The following KCNMA1 variants were observed in gnomAD, a reference collection of about 807,000 sequenced individuals.
KCNMA1 encodes Calcium-activated potassium channel subunit alpha-1.
KCNMA1 carries 29 observed loss-of-function variants against 140.0 expected under a neutral mutation model. That is an observed-to-expected ratio of 0.21 (90% CI 0.15 to 0.28). The LOEUF is 0.28. Ranked by LOEUF, KCNMA1 falls within the 10% of genes least tolerant of loss-of-function variation. The pLI is 1.00. For missense variants in KCNMA1, 880 were observed against 1,602.2 expected (o/e 0.55, Z 7.70); for synonymous variants, 612 against 611.9 (o/e 1.00, Z 0.00).
At chr10:77,208,003 C>T (rs1189748922) in intron 3 of KCNMA1, among the ~76,000 whole-genome samples, 1 of 152,196 alleles carries the variant, frequency 6.6e-6, no homozygotes, top group East Asian at 1.9e-4. Flanking sequence ...AAACTGGCCG[C>T]ACTTCTTTTG....
chr10:77,481,281 A>G (rs756387080), intron 1 of KCNMA1, among the ~76,000 whole-genome samples: 3 of 152,172 alleles, frequency 2.0e-5, no homozygotes, highest in Non-Finnish European at 4.4e-5. Flanking sequence ...TGGACCCAAC[A>G]TCCTTGAATT....
chr10:77,494,649 C>G (rs1032717470), intron 1 of KCNMA1, among the ~76,000 whole-genome samples: 1 of 152,170 alleles, frequency 6.6e-6, no homozygotes, highest in South Asian at 2.1e-4. Flanking sequence ...CCAGAGGGAG[C>G]AGTTTTCCAG....
rs534193734 is a variant in KCNMA1, at chr10:77,298,072, C to T, written c.541-46816G>A. Among the ~76,000 whole-genome samples, 34 of 152,226 alleles carry T rather than the reference C, an allele frequency of 2.2e-4. No individual in the cohort carries two copies. In the South Asian group the frequency reaches 5.6e-3, roughly 25 times the overall value. On this transcript the variant is annotated intron_variant, in intron 2 of 27. Transcript: ENST00000286628. ...AAACTGGCAACCTAGACATTTATAT[C>T]CAAACCAGATCCAAGAATTGTATCG... is the stretch of plus-strand genomic sequence containing the variant.
chr10:77,410,437 T>C (rs2096593631), intron 1 of KCNMA1, among the ~76,000 whole-genome samples: 1 of 152,228 alleles, frequency 6.6e-6, no homozygotes, highest in Non-Finnish European at 1.5e-5. Context: ...GCTGCCTGCC[T>C]AGAGCCAAGC....
intron 5 of KCNMA1, among the ~76,000 whole-genome samples, chr10:77,158,455 C>T (rs1296695992): frequency 6.6e-6 from 1 of 152,120 alleles, no homozygotes; most frequent in African/African-American, 2.4e-5. Context: ...TGGACCTGAT[C>T]ACTCGGCCAT....
At chr10:77,630,294 G>A (rs1285682332) in intron 1 of KCNMA1, among the ~76,000 whole-genome samples, 3 of 152,168 alleles carry the variant, frequency 2.0e-5, no homozygotes, top group Non-Finnish European at 2.9e-5. Flanking sequence ...GAGGTAGTTT[G>A]GCTGGGTTGC....
intron 5 of KCNMA1, among the ~76,000 whole-genome samples, chr10:77,177,045 G>A (rs2098756662): frequency 6.6e-6 from 1 of 152,156 alleles, no homozygotes; most frequent in South Asian, 2.1e-4. Flanking sequence ...TGAAGGTGGA[G>A]AAAGGGGCCA....
chr10:77,065,320 G>A (rs568990779), intron 14 of KCNMA1, among the ~76,000 whole-genome samples: 2 of 152,246 alleles, frequency 1.3e-5, no homozygotes, highest in African/African-American at 4.8e-5. Context: ...GGGAGGGGGT[G>A]CAGATTCCTA....
intron 2 of KCNMA1, among the ~76,000 whole-genome samples, chr10:77,361,377 G>C (rs1566253246): frequency 6.6e-6 from 1 of 152,176 alleles, no homozygotes; most frequent in South Asian, 2.1e-4. Context: ...AACAAGACTA[G>C]AGGAGGCCCT....
intron 2 of KCNMA1, among the ~76,000 whole-genome samples, chr10:77,280,107 C>T (rs1409250602): frequency 6.6e-6 from 1 of 152,056 alleles, no homozygotes; most frequent in African/African-American, 2.4e-5. Context: ...ACCAACATAC[C>T]AAAGACTACT....
intron 1 of KCNMA1, among the ~76,000 whole-genome samples, chr10:77,429,031 G>T (rs1207170076): frequency 6.6e-6 from 1 of 152,168 alleles, no homozygotes; most frequent in Non-Finnish European, 1.5e-5. Context: ...GGAATGCTGG[G>T]CTGTGGTAAA....
At chr10:77,313,530 C>T (rs933719305) in intron 2 of KCNMA1, among the ~76,000 whole-genome samples, 4 of 152,150 alleles carry the variant, frequency 2.6e-5, no homozygotes, top group African/African-American at 7.2e-5. Flanking sequence ...GGGCTACATA[C>T]GTCACCCAAG....
chr10:77,007,672 T>TATATATATATATATAC (rs1281497119), intron 18 of KCNMA1, among the ~76,000 whole-genome samples: 3 of 143,184 alleles, frequency 2.1e-5, no homozygotes, highest in African/African-American at 7.7e-5. Context: ...TATATATATA[T>TATATATATATATATAC]ATATGTATCA....
At chr10:77,320,962 C>T (rs1013105966) in intron 2 of KCNMA1, among the ~76,000 whole-genome samples, 4 of 152,236 alleles carry the variant, frequency 2.6e-5, no homozygotes, top group Admixed American at 6.5e-5. Context: ...TCATTCAAGA[C>T]TCTGTCCTCA....
chr10:77,580,785 C>T (rs562877893), intron 1 of KCNMA1, among the ~76,000 whole-genome samples: 198 of 152,306 alleles, frequency 1.3e-3, no homozygotes, highest in African/African-American at 4.5e-3. Context: ...CTTTGCTCTC[C>T]GTGATCTTTT....
intron 14 of KCNMA1, among the ~76,000 whole-genome samples, chr10:77,062,979 A>G (rs893093343): frequency 1.3e-5 from 2 of 152,180 alleles, no homozygotes; most frequent in Non-Finnish European, 2.9e-5. Flanking sequence ...CCTCCTCCCA[A>G]AGAGCTATGG....
At chr10:76,897,816 A>G (rs1477078510) in intron 25 of KCNMA1, among the ~76,000 whole-genome samples, 2 of 152,064 alleles carry the variant, frequency 1.3e-5, no homozygotes, top group Non-Finnish European at 2.9e-5. Context: ...TAAAGTTAGA[A>G]AAATGAGATG....
intron 1 of KCNMA1, among the ~76,000 whole-genome samples, chr10:77,523,779 A>G (rs1315910272): frequency 1.3e-5 from 2 of 152,168 alleles, no homozygotes; most frequent in African/African-American, 2.4e-5. Context: ...GAGTAGAAAG[A>G]GAGTTACCAG....
At chr10:77,125,519 C>T (rs2097712803) in intron 5 of KCNMA1, among the ~76,000 whole-genome samples, 1 of 152,216 alleles carries the variant, frequency 6.6e-6, no homozygotes. Flanking sequence ...TACTCAATGT[C>T]CCTTGATCAG....
Sources: allele counts gnomAD v4.1 joint callset (sites outside exome capture counted in the v4.1 genomes callset), GRCh38; gene constraint gnomAD v4.1.1; transcripts MANE v1.5; gene names NCBI Gene and HGNC (gene_info 2026-07-23, HGNC 2026-07-21).